The following TEX9 variants were observed in gnomAD, a reference collection of about 807,000 sequenced individuals.
TEX9 encodes testis expressed 9, also known as testis-expressed protein 9.
In TEX9, 74 loss-of-function variants were observed where a neutral mutation model predicts 59.6. The ratio of observed to expected loss-of-function variants is 1.24; its 90% CI spans 1.03 to 1.51. The LOEUF is 1.51. Among genes scored for constraint, TEX9 ranks in the 40% most tolerant of loss-of-function variants. TEX9 has a pLI of 0.00. For synonymous variants in TEX9, 186 were observed against 152.2 expected (o/e 1.22, Z -1.64); for missense variants, 522 against 447.8 (o/e 1.17, Z -1.49).
chr15:56,374,041 T>A (rs2142040039), intron 3 of TEX9: 1 of 152,014 alleles, frequency 6.6e-6, no homozygotes, highest in Non-Finnish European at 1.5e-5. Context: ...TTGTATTTTA[T>A]AATTTATAAT....
At position 56,294,684 on chromosome 15, in the gene TEX9, T is replaced by A. The variant is rs1435394318; in HGVS notation, c.-107+50406T>A. ...TTACCTCATTCCTTGGCTTTTCCTGTGTTAGTTGATGTGAGGGGCTTGAGA... is the reference window on the plus strand; with the variant it reads ...TTACCTCATTCCTTGGCTTTTCCTGAGTTAGTTGATGTGAGGGGCTTGAGA... On this transcript the variant is annotated intron_variant, in intron 1 of 5. Coordinates refer to the TEX9 transcript ENST00000560827. Among the ~76,000 whole-genome samples, 10 of 152,184 alleles carry A rather than the reference T, an allele frequency of 6.6e-5. No homozygotes were observed. The South Asian group carries it at 8.3e-4, about 13-fold the overall frequency.
At chr15:56,257,209 C>T (rs1437070915) in intron 1 of TEX9, among the ~76,000 whole-genome samples, 3 of 151,944 alleles carry the variant, frequency 2.0e-5, no homozygotes, top group African/African-American at 4.8e-5. Flanking sequence ...CTAGTTGATT[C>T]CAGGTGTTTG....
chr15:56,424,635 C>G (rs1010509495), intron 10 of TEX9, among the ~76,000 whole-genome samples: 1 of 152,124 alleles, frequency 6.6e-6, no homozygotes, highest in African/African-American at 2.4e-5. Flanking sequence ...AGACTCTACT[C>G]CTTTTCAGCC....
At chr15:56,279,511 G>T (rs890716817) in intron 1 of TEX9, among the ~76,000 whole-genome samples, 3 of 152,158 alleles carry the variant, frequency 2.0e-5, no homozygotes, top group Admixed American at 6.5e-5. Context: ...AAATGAGTTT[G>T]CTAATAGATA....
the TEX9 span, among the ~76,000 whole-genome samples, chr15:56,456,206 G>A: frequency 1.3e-5 from 2 of 152,096 alleles, no homozygotes; most frequent in Non-Finnish European, 2.9e-5. Context: ...TAAATATTCA[G>A]ACTTCCATGA....
chr15:56,267,756 T>G (rs2044422442), intron 1 of TEX9, among the ~76,000 whole-genome samples: 1 of 152,174 alleles, frequency 6.6e-6, no homozygotes, highest in Non-Finnish European at 1.5e-5. Context: ...TGAAGTCAGG[T>G]AGCGTGATGC....
At chr15:56,354,688 C>G (rs900086399) in intron 1 of TEX9, among the ~76,000 whole-genome samples, 1 of 152,070 alleles carries the variant, frequency 6.6e-6, no homozygotes, top group Non-Finnish European at 1.5e-5. Flanking sequence ...GTCAGGCAAG[C>G]AGCAAAAGTA....
At chr15:56,251,480 C>A (rs544869382) in intron 1 of TEX9, among the ~76,000 whole-genome samples, 34 of 152,180 alleles carry the variant, frequency 2.2e-4, no homozygotes, top group African/African-American at 8.2e-4. Flanking sequence ...AAAACCTTTG[C>A]CCAAGGAAGA....
chr15:56,259,791 G>A (rs1322648293), intron 1 of TEX9, among the ~76,000 whole-genome samples: 2 of 151,786 alleles, frequency 1.3e-5, no homozygotes, highest in African/African-American at 2.4e-5. Context: ...ATCTTGACTG[G>A]GATTGCATTG....
chr15:56,394,724 C>G (rs1195461081), exon 9 of TEX9: 2 of 1,609,976 alleles, frequency 1.2e-6, no homozygotes, highest in African/African-American at 2.7e-5. Context: ...TATGAGACAG[C>G]AGCGAACAAT....
chr15:56,428,844 T>C (rs1204342443), intron 12 of TEX9: 1 of 407,786 alleles, frequency 2.5e-6, no homozygotes, highest in African/African-American at 2.1e-5. Context: ...GTAAATATAC[T>C]GTCTTGAGGA....
intron 1 of TEX9, among the ~76,000 whole-genome samples, chr15:56,344,231 G>A (rs2046423797): frequency 1.3e-5 from 2 of 152,144 alleles, no homozygotes; most frequent in Non-Finnish European, 2.9e-5. Flanking sequence ...GTTCATAACA[G>A]CATTATCCAT....
chr15:56,379,112 G>T (rs1428604572), intron 3 of TEX9, among the ~76,000 whole-genome samples: 1 of 150,590 alleles, frequency 6.6e-6, no homozygotes, highest in Non-Finnish European at 1.5e-5. Flanking sequence ...AGAAAAGAAA[G>T]AAAGAAAAAG....
chr15:56,458,326 T>C, the TEX9 span, among the ~76,000 whole-genome samples: 1 of 152,280 alleles, frequency 6.6e-6, no homozygotes, highest in East Asian at 1.9e-4. Context: ...CACAACAAAA[T>C]TGAGCAGAAA....
At chr15:56,297,490 AC>A in intron 1 of TEX9, among the ~76,000 whole-genome samples, 1 of 152,132 alleles carries the variant, frequency 6.6e-6, no homozygotes. Context: ...CTAACACTCT[AC>A]CCAGGTGGCT....
At chr15:56,401,788 A>C (rs1015722895) in intron 9 of TEX9, among the ~76,000 whole-genome samples, 1 of 152,234 alleles carries the variant, frequency 6.6e-6, no homozygotes, top group Non-Finnish European at 1.5e-5. Flanking sequence ...TGTCTCTCAG[A>C]CCACAGTGCA....
intron 12 of TEX9, among the ~76,000 whole-genome samples, chr15:56,441,385 G>T (rs1164032269): frequency 6.6e-6 from 1 of 152,054 alleles, no homozygotes; most frequent in Non-Finnish European, 1.5e-5. Flanking sequence ...TTCTCTAAAT[G>T]TCAGGTCAAG....
In TEX9 at chr15:56,412,308, GA is replaced by G; in HGVS notation, c.839del (p.Asn280IlefsTer20). On this transcript the variant is annotated frameshift_variant, in exon 10 of 13. Coordinates refer to ENST00000352903, the Ensembl canonical transcript of TEX9. LOFTEE classifies it high-confidence loss of function. ...AATCTTTTTTACTATACAGGAATTAGAAAATAAAAGAAGACTGCAAAAACAG... is the reference window on the plus strand; with the variant it reads ...AATCTTTTTTACTATACAGGAATTAGAAATAAAAGAAGACTGCAAAAACAG... The G allele has an allele frequency of 6.2e-7, 1 of 1,604,934 alleles. No individual in the cohort carries two copies. Among genetic ancestry groups the G allele is most frequent in the Non-Finnish European group, 8.5e-7 (1 of 1,177,608 alleles).
intron 12 of TEX9, among the ~76,000 whole-genome samples, chr15:56,439,941 GC>G (rs1346197809): frequency 1.3e-5 from 2 of 152,018 alleles, no homozygotes; most frequent in African/African-American, 4.8e-5. Context: ...GAAAAATCGT[GC>G]TCTAAGATCA....
Sources: gnomAD v4.1 joint callset for allele counts (sites outside exome capture counted in the v4.1 genomes callset) on GRCh38, gnomAD v4.1.1 for gene constraint, MANE v1.5 for transcripts, NCBI Gene and HGNC (gene_info 2026-07-23, HGNC 2026-07-21) for gene names.